DGKA: variants seen among roughly 807,000 people sequenced by gnomAD.
DGKA encodes the protein 80 kDa diacylglycerol kinase.
DGKA carries 35 observed loss-of-function variants against 105.0 expected under a neutral mutation model. That is an observed-to-expected ratio of 0.33 (90% CI 0.25 to 0.44). The LOEUF (loss-of-function observed/expected upper bound fraction) is 0.44, where lower values mean the gene tolerates loss of function less well. Ranked by LOEUF, DGKA falls within the 20% of genes least tolerant of loss-of-function variation. The probability of loss-of-function intolerance (pLI) is 1.00; values close to 1 mark genes in which losing one functional copy is unlikely to be tolerated. For missense variants in DGKA, 665 were observed against 915.0 expected (o/e 0.73, Z 3.53); for synonymous variants, 296 against 332.0 (o/e 0.89, Z 1.18).
At chr12:55,936,328 A>C (rs1333107266) in intron 1 of DGKA, 95 bp from the exon 2 acceptor site, 1 of 1,359,730 alleles carries the variant, frequency 7.4e-7, no homozygotes, top group African/African-American at 1.5e-5. Flanking sequence ...AGAACAAAAA[A>C]TAATAGTGGG....
At position 55,950,721 on chromosome 12, in the gene DGKA, G is replaced by C. The variant is rs1887992170; in HGVS notation, c.1427-902G>C. Among the ~76,000 whole-genome samples, 3 of 151,908 alleles carry C rather than the reference G, an allele frequency of 2.0e-5. No individual in the cohort carries two copies. In the South Asian group the frequency reaches 6.2e-4, roughly 32 times the overall value. ...CTCCCAAAGTGCTGGGACTACAGGA[G>C]TGAGCCACTGTGCCTGGCCTTGTTT... On this transcript the variant is annotated intron_variant, in intron 17 of 23. Coordinates refer to ENST00000331886, the MANE Select transcript of DGKA (RefSeq NM_001345.5).
At chr12:55,941,145 G>A in intron 13 of DGKA, 107 bp from the exon 14 acceptor site, 4 of 1,380,728 alleles carry the variant, frequency 2.9e-6, no homozygotes, top group Non-Finnish European at 4.0e-6. Context: ...GGAGGGAGGG[G>A]GGAAATATCT....
chr12:55,932,805 G>C lies in DGKA; in HGVS notation c.-82+1461G>C. ...TTGTGGAGGCTTAATAAGTTTTGAG[G>C]CTTCAAGCAAATGATTCCCTCTTGA... On this transcript the variant is annotated intron_variant, in intron 1 of 23. Coordinates refer to ENST00000331886, the MANE Select transcript of DGKA (RefSeq NM_001345.5). The surrounding 1 kb of genome is among the most constrained non-coding windows in gnomAD (Gnocchi z 4.3). The C allele has an allele frequency of 3.7e-6, 2 of 547,306 alleles. No individual in the cohort carries two copies. Among genetic ancestry groups the C allele is most frequent in the Non-Finnish European group, 6.6e-6 (2 of 304,330 alleles). The allele number at this position is 547,306 out of a possible 1,614,324, so 33.9% of individuals were successfully genotyped here.
upstream of DGKA, chr12:55,928,468 G>A (rs1216363217): frequency 1.3e-5 from 2 of 151,622 alleles, no homozygotes; most frequent in Non-Finnish European, 2.9e-5. Context: ...ACGAGGTCCG[G>A]AGTTCAAGAC....
At chr12:55,950,401 G>A (rs1021021042) in intron 17 of DGKA, among the ~76,000 whole-genome samples, 1 of 151,800 alleles carries the variant, frequency 6.6e-6, no homozygotes, top group African/African-American at 2.4e-5. Context: ...CCACCTCCTG[G>A]GTTCACGCCA....
intron 1 of DGKA, 81 bp from the exon 2 acceptor site, chr12:55,936,342 A>C: frequency 7.2e-7 from 1 of 1,396,448 alleles, no homozygotes; most frequent in Non-Finnish European, 9.4e-7. Flanking sequence ...TAGTGGGAGT[A>C]GAGACAGAAT....
Position 55,936,437 on chromosome 12 carries a change from G to A in DGKA, c.-67G>A, listed in dbSNP as rs568352675. 2 of 1,587,516 alleles carry A rather than the reference G, an allele frequency of 1.3e-6. No homozygotes were observed. Among genetic ancestry groups the A allele is most frequent in the East Asian group, 4.5e-5 (2 of 44,548 alleles). ...CCTTTCCCCAGGCCTACCCTCTGAA[G>A]AGGTCCAAGCAACGGAAGTACTACT... On this transcript the variant is annotated 5_prime_UTR_variant, in exon 2 of 24. Coordinates refer to ENST00000331886, the MANE Select transcript of DGKA (RefSeq NM_001345.5).
At chr12:55,944,398 A>G (rs987375321) in intron 17 of DGKA, among the ~76,000 whole-genome samples, 5 of 152,196 alleles carry the variant, frequency 3.3e-5, no homozygotes, top group Non-Finnish European at 5.9e-5. Context: ...AGCTGAAAAG[A>G]TCGAGGCTGT....
rs558388900 is a variant in DGKA at position 55,937,738 on chromosome 12, C to A, written c.274+195C>A. Among the ~76,000 whole-genome samples the A allele has an allele frequency of 1.8e-4, 28 of 152,218 alleles. No homozygotes were observed. In the East Asian group the frequency reaches 5.4e-3, roughly 29 times the overall value. Reference sequence around the variant, plus strand: ...GTAAGTCGAGGGCAGTGGCTCACACCTGTAGTCCCAGCACTTTGGGAAGCT... The same window carrying A: ...GTAAGTCGAGGGCAGTGGCTCACACATGTAGTCCCAGCACTTTGGGAAGCT... On this transcript the variant is annotated intron_variant, in intron 4 of 23. Transcript: ENST00000331886.
intron 9 of DGKA, 149 bp from the exon 10 acceptor site, chr12:55,939,933 G>A (rs956518789): frequency 2.0e-5 from 14 of 698,372 alleles, no homozygotes; most frequent in Non-Finnish European, 3.0e-5. Context: ...AAAGGCGTGG[G>A]TTTTGGAGGT....
At position 55,937,958 on chromosome 12, in the gene DGKA, A is replaced by C. The variant is rs1167326409; in HGVS notation, c.275-20A>C. 1.2e-6 allele frequency: 2 copies of C among 1,612,956 alleles called. No homozygotes were observed. Among genetic ancestry groups the C allele is most frequent in the East Asian group, 4.5e-5 (2 of 44,862 alleles). On this transcript the variant is annotated intron_variant, in intron 4 of 23. Coordinates refer to ENST00000331886, the MANE Select transcript of DGKA (RefSeq NM_001345.5). ...AAAGTGGAGGGAGCCCTGACTTCTG[A>C]TCTGCTTTTTTGTAACCAGATGTGG...
rs1365656178 is a variant in DGKA, at chr12:55,940,994, A to G, written c.1101+14A>G. 5 of 1,611,776 alleles carry G rather than the reference A, an allele frequency of 3.1e-6. No homozygotes were observed. Among genetic ancestry groups the G allele is most frequent in the African/African-American group, 1.3e-5 (1 of 74,738 alleles). ...GAGGCTCTGCGGGTACAGGGCTGAG[A>G]GTCTTGGGCTTCATGATGGGGGCAG... On this transcript the variant is annotated intron_variant, in intron 13 of 23. Transcript: ENST00000331886. The surrounding 1 kb of genome is among the most constrained non-coding windows in gnomAD (Gnocchi z 4.3).
upstream of DGKA, among the ~76,000 whole-genome samples, chr12:55,928,878 G>A (rs946955616): frequency 2.6e-5 from 4 of 151,200 alleles, no homozygotes; most frequent in South Asian, 2.1e-4. Flanking sequence ...TTTCCAGGCC[G>A]GGTGCGGTGT....
chr12:55,936,866 T>G, intron 2 of DGKA, 151 bp from the exon 3 acceptor site: 1 of 853,582 alleles, frequency 1.2e-6, no homozygotes, highest in Non-Finnish European at 2.0e-6. Flanking sequence ...GGTACTGTTT[T>G]GGAGGATCTG....
chr12:55,928,487 C>G (rs2136272705), upstream of DGKA, among the ~76,000 whole-genome samples: 1 of 151,602 alleles, frequency 6.6e-6, no homozygotes, highest in South Asian at 2.1e-4. Flanking sequence ...ACCAACCTGG[C>G]CAAGATGGCG....
chr12:55,953,669 C>T lies in DGKA; in HGVS notation c.2125-16C>T. The T allele has an allele frequency of 6.2e-7, 1 of 1,612,150 alleles. No individual in the cohort carries two copies. Among genetic ancestry groups the T allele is most frequent in the Admixed American group, 1.7e-5 (1 of 60,028 alleles). The stretch of plus-strand genomic sequence containing the variant: ...GTATCAGGTCCTGCCTCTGAATGTG[C>T]TCCCTTCCCTTCCAGATCAAGATCA... On this transcript the variant is annotated splice_polypyrimidine_tract_variant and intron_variant, in intron 23 of 23. Coordinates refer to ENST00000331886, the MANE Select transcript of DGKA (RefSeq NM_001345.5).
intron 16 of DGKA, 33 bp downstream of exon 16, chr12:55,942,116 G>A: frequency 6.2e-7 from 1 of 1,613,834 alleles, no homozygotes; most frequent in Non-Finnish European, 8.5e-7. Flanking sequence ...GGAAGGTATT[G>A]GGGTCGTAGT....
chr12:55,941,715 A>G (rs1886047411), intron 15 of DGKA, 131 bp downstream of exon 15: 2 of 982,680 alleles, frequency 2.0e-6, no homozygotes, highest in Non-Finnish European at 3.1e-6. Context: ...AGAATTCAGA[A>G]TATTTCCTTC....
intron 3 of DGKA, 99 bp downstream of exon 3, chr12:55,937,189 TC>T (rs764339834): frequency 7.3e-7 from 1 of 1,376,940 alleles, no homozygotes; most frequent in Non-Finnish European, 1.0e-6. Context: ...CCCCTCACTA[TC>T]CCCTCTAGAG....
Sources: gnomAD v4.1 joint callset for allele counts (sites outside exome capture counted in the v4.1 genomes callset) on GRCh38, gnomAD v4.1.1 for gene constraint, Gnocchi (gnomAD v3.1) non-coding constraint, MANE v1.5 for transcripts, NCBI Gene and HGNC (gene_info 2026-07-23, HGNC 2026-07-21) for gene names.